KLHL36: variants seen among roughly 807,000 people sequenced by gnomAD.
KLHL36 encodes kelch-like protein 36.
KLHL36 carries 35 observed loss-of-function variants against 53.3 expected under a neutral mutation model. The ratio of observed to expected loss-of-function variants is 0.66; its 90% CI spans 0.50 to 0.87. The LOEUF (loss-of-function observed/expected upper bound fraction) is 0.87, where lower values mean the gene tolerates loss of function less well. Among genes scored for constraint, KLHL36 ranks in the 40% least tolerant of loss-of-function variants. The pLI, the probability that KLHL36 is intolerant of heterozygous loss-of-function variation, is 0.00. For missense variants in KLHL36, 864 were observed against 897.6 expected (o/e 0.96, Z 0.48); for synonymous variants, 472 against 398.9 (o/e 1.18, Z -2.18).
intron 3 of KLHL36, chr16:84,658,577 C>T (rs1401940329): frequency 6.6e-6 from 1 of 152,128 alleles, no homozygotes; most frequent in Non-Finnish European, 1.5e-5. Context: ...TAAGTCATAG[C>T]TAGGAAATTT....
rs1313167386 is a variant in KLHL36, at chr16:84,662,688, T to C, written c.*555T>C. 2 of 152,926 alleles carry C rather than the reference T, an allele frequency of 1.3e-5. No individual in the cohort carries two copies. Among genetic ancestry groups the C allele is most frequent in the Non-Finnish European group, 2.9e-5 (2 of 68,562 alleles). The allele number at this position is 152,926 out of a possible 1,614,324, so 9.5% of individuals were successfully genotyped here. ...AATCACTGGCAAGGTCCAGTGTGTT[T>C]GTTTTATAAATGAGTGCACAGAGAC... On this transcript the variant is annotated 3_prime_UTR_variant, in exon 5 of 5. Coordinates refer to ENST00000564996, the MANE Select transcript of KLHL36 (RefSeq NM_024731.4).
At chr16:84,658,730 G>T (rs1405036442) in intron 3 of KLHL36, 1 of 152,276 alleles carries the variant, frequency 6.6e-6, no homozygotes. Context: ...CAGCCACTCG[G>T]TCCCCGGGAC....
At position 84,648,820 on chromosome 16, in the gene KLHL36, G is replaced by A. The variant is rs1242040580; in HGVS notation, c.-17+171G>A. The stretch of plus-strand genomic sequence containing the variant: ...GTGGGCGAGTGGGGGCGCCGCGGCC[G>A]GGGGAGGGGCCGCCGCCCCCGCAGG... On this transcript the variant is annotated intron_variant, in intron 1 of 4. Coordinates refer to ENST00000564996, the MANE Select transcript of KLHL36 (RefSeq NM_024731.4). This position sits in a 1 kb window ranked among gnomAD's most constrained non-coding sequence, Gnocchi z 4.9. 1 of 149,974 alleles carries A rather than the reference G, an allele frequency of 6.7e-6. No homozygotes were observed. Among genetic ancestry groups the A allele is most frequent in the Non-Finnish European group, 1.5e-5 (1 of 67,282 alleles). The allele number at this position is 149,974 out of a possible 1,614,324, so 9.3% of individuals were successfully genotyped here. A position where few individuals can be genotyped will look rare whatever the true frequency, so the allele number is the denominator to read the frequency against.
chr16:84,659,561 G>A lies in KLHL36; in HGVS notation c.1138-199G>A, dbSNP rs562114275. On this transcript the variant is annotated intron_variant, in intron 3 of 4. Transcript: ENST00000564996. ...TCAGAGCGTCTCCATCCCACTTTTG[G>A]GGATTCAGAGCATCTTGGTGAAACC... The A allele has an allele frequency of 4.6e-5, 26 of 562,524 alleles. No individual in the cohort carries two copies. In the South Asian group the frequency reaches 6.1e-4, roughly 13 times the overall value. 34.8% of individuals were successfully genotyped at this position (562,524 alleles called of 1,614,324 possible).
chr16:84,660,045 G>T, intron 4 of KLHL36, 128 bp downstream of exon 4: 1 of 960,906 alleles, frequency 1.0e-6, no homozygotes, highest in Non-Finnish European at 1.6e-6. Flanking sequence ...GGCTTGTCAG[G>T]AAGAGTGGGT....
chr16:84,653,931 G>A (rs1382982510), intron 2 of KLHL36, among the ~76,000 whole-genome samples: 1 of 151,650 alleles, frequency 6.6e-6, no homozygotes, highest in East Asian at 1.9e-4. Context: ...GCAGATTGCA[G>A]CTGATTGTAC....
At chr16:84,660,045 G>A in intron 4 of KLHL36, 128 bp downstream of exon 4, 3 of 960,906 alleles carry the variant, frequency 3.1e-6, no homozygotes, top group Admixed American at 2.1e-5. Flanking sequence ...GGCTTGTCAG[G>A]AAGAGTGGGT....
chr16:84,652,428 G>A (rs1479872431), intron 2 of KLHL36, among the ~76,000 whole-genome samples: 1 of 152,056 alleles, frequency 6.6e-6, no homozygotes, highest in Non-Finnish European at 1.5e-5. Flanking sequence ...ATGCCACCAT[G>A]CCCAGCTAAT....
chr16:84,653,150 G>A (rs1409947764), intron 2 of KLHL36, among the ~76,000 whole-genome samples: 2 of 152,156 alleles, frequency 1.3e-5, no homozygotes, highest in East Asian at 3.9e-4. Context: ...CCAGGAGGTA[G>A]AGGTTGCAGT....
In KLHL36 at chr16:84,663,622, G is replaced by A. The variant is rs979273557; in HGVS notation, c.*1489G>A. On this transcript the variant is annotated 3_prime_UTR_variant, in exon 5 of 5. Transcript: ENST00000564996. ...CACCAGTCTTCCTGCAGACAGTTCC[G>A]AGAGCAGGTCTCGATGTCACTTGCC... is the stretch of plus-strand genomic sequence containing the variant. 3.3e-5 allele frequency: 5 copies of A among 151,436 alleles called. No homozygotes were observed. The highest frequency in any genetic ancestry group is 1.9e-4 in the East Asian group (1 of 5,152). The allele number at this position is 151,436 out of a possible 1,614,324, so 9.4% of individuals were successfully genotyped here.
Position 84,661,900 on chromosome 16 carries a change from G to C in KLHL36, c.1618G>C (p.Gly540Arg). The C allele has an allele frequency of 6.2e-7, 1 of 1,600,310 alleles. No individual in the cohort carries two copies. Among genetic ancestry groups the C allele is most frequent in the South Asian group, 1.1e-5 (1 of 90,392 alleles). Residue 540 changes from glycine (G) to arginine (R), a missense_variant, in exon 5 of 5, where the codon GGC becomes CGC. Coordinates refer to ENST00000564996, the MANE Select transcript of KLHL36 (RefSeq NM_024731.4). This position sits in a 1 kb window ranked among gnomAD's most constrained non-coding sequence, Gnocchi z 7.9. ...APLLHANSESGVAVWEGRIYI... is the reference protein window; with the variant it reads ...APLLHANSESRVAVWEGRIYI... The stretch of plus-strand genomic sequence containing the variant: ...GCTGCTGCACGCCAACAGCGAGTCG[G>C]GCGTGGCAGTGTGGGAGGGCCGCAT...
At position 84,662,309 on chromosome 16, in the gene KLHL36, T is replaced by G. The variant is rs1907607604; in HGVS notation, c.*176T>G. On this transcript the variant is annotated 3_prime_UTR_variant, in exon 5 of 5. Coordinates refer to ENST00000564996, the MANE Select transcript of KLHL36 (RefSeq NM_024731.4). ...ACCAATTAAATACTATCTGTAACTT[T>G]ACATATCTTGCTTGAATAACTAACC... 1.6e-6 allele frequency: 1 copy of G among 617,766 alleles called. No individual in the cohort carries two copies. Among genetic ancestry groups the G allele is most frequent in the African/African-American group, 1.8e-5 (1 of 54,550 alleles). 38.3% of individuals were successfully genotyped at this position (617,766 alleles called of 1,614,324 possible).
At position 84,665,333 on chromosome 16, in the gene KLHL36, G is replaced by T. The variant is rs971762813; in HGVS notation, c.*3200G>T. On this transcript the variant is annotated 3_prime_UTR_variant, in exon 5 of 5. Coordinates refer to ENST00000564996, the MANE Select transcript of KLHL36 (RefSeq NM_024731.4). ...CTCTCATTTCTAAAGAATTAGAGTTGTAACTTCATATTAGTTGTAAGTTTG... is the reference window on the plus strand; with the variant it reads ...CTCTCATTTCTAAAGAATTAGAGTTTTAACTTCATATTAGTTGTAAGTTTG... 10 of 151,614 alleles carry T rather than the reference G, an allele frequency of 6.6e-5. No individual in the cohort carries two copies. The allele number at this position is 151,614 out of a possible 1,614,324, so 9.4% of individuals were successfully genotyped here. A position where few individuals can be genotyped will look rare whatever the true frequency, so the allele number is the denominator to read the frequency against.
chr16:84,654,157 C>T (rs968993231), intron 2 of KLHL36, among the ~76,000 whole-genome samples: 2 of 152,220 alleles, frequency 1.3e-5, no homozygotes, highest in Admixed American at 6.5e-5. Context: ...GGCCAGCACC[C>T]TCACCAGCGT....
rs891349471 is a variant in KLHL36 at position 84,648,630 on chromosome 16, T to G, written c.-36T>G. ...CGCCGCCGGGGCTGTCCCCGCCGCG[T>G]CCGTAGCGCGTCCTGCCAGGTGGGC... On this transcript the variant is annotated 5_prime_UTR_variant, in exon 1 of 5. Transcript: ENST00000564996. This position sits in a 1 kb window ranked among gnomAD's most constrained non-coding sequence, Gnocchi z 4.9. 3 of 146,574 alleles carry G rather than the reference T, an allele frequency of 2.0e-5. No homozygotes were observed. Among genetic ancestry groups the G allele is most frequent in the African/African-American group, 7.4e-5 (3 of 40,334 alleles). The allele number at this position is 146,574 out of a possible 1,614,324, so 9.1% of individuals were successfully genotyped here.
chr16:84,661,581 C>T lies in KLHL36; in HGVS notation c.1299C>T (p.Phe433=), dbSNP rs749168059. ...SWSYVAGLPR[F]TYGHAGTIYK... Reference sequence around the variant, plus strand: ...TCTCTGCCCGTCGACCCTGCAGGTTCACGTACGGCCACGCGGGCACCATCT... The same window carrying T: ...TCTCTGCCCGTCGACCCTGCAGGTTTACGTACGGCCACGCGGGCACCATCT... Residue 433 remains phenylalanine (F), a synonymous_variant, in exon 5 of 5, where the codon TTC becomes TTT. Transcript: ENST00000564996. The surrounding 1 kb of genome is among the most constrained non-coding windows in gnomAD (Gnocchi z 7.9). The T allele has an allele frequency of 6.3e-7, 1 of 1,579,710 alleles. No individual in the cohort carries two copies. The highest frequency in any genetic ancestry group is 2.3e-5 in the East Asian group (1 of 44,420).
Position 84,653,813 on chromosome 16 carries a change from C to G in KLHL36, c.63+2883C>G, listed in dbSNP as rs1481843565. Among the ~76,000 whole-genome samples the G allele has an allele frequency of 2.9e-5, 4 of 139,832 alleles. No individual in the cohort carries two copies. The East Asian group carries it at 6.2e-4, about 22-fold the overall frequency. The allele number at this position is 139,832 out of a possible 152,430, so 91.7% of individuals were successfully genotyped here. Reference sequence around the variant, plus strand: ...CGAGATCGAGCCACTGCACTCCAGCCTGGGCAACAGAGGGAGGCTCTGTAT... The same window carrying G: ...CGAGATCGAGCCACTGCACTCCAGCGTGGGCAACAGAGGGAGGCTCTGTAT... On this transcript the variant is annotated intron_variant, in intron 2 of 4. Transcript: ENST00000564996.
intron 1 of KLHL36, among the ~76,000 whole-genome samples, chr16:84,650,150 C>T (rs1477137522): frequency 2.0e-5 from 3 of 152,200 alleles, no homozygotes; most frequent in Non-Finnish European, 4.4e-5. Context: ...TCAGCATCCT[C>T]CAGTCACAGT....
Position 84,657,103 on chromosome 16 carries a change from C to T in KLHL36, c.296C>T (p.Ala99Val). 1 of 1,614,196 alleles carries T rather than the reference C, an allele frequency of 6.2e-7. No individual in the cohort carries two copies. The highest frequency in any genetic ancestry group is 8.5e-7 in the Non-Finnish European group (1 of 1,180,036). Reference protein sequence around the residue: ...LIGASYIGLKAVVDFLYGGEL... With the variant: ...LIGASYIGLKVVVDFLYGGEL... ...GGCGCCTCCTACATTGGGCTCAAGG[C>T]CGTGGTGGACTTCCTGTACGGCGGG... Residue 99 changes from alanine to valine, a missense_variant, in exon 3 of 5, where the codon GCC (alanine) becomes GTC (valine). Physicochemically the swap from Ala to Val is moderately conservative, Grantham distance 64. Transcript: ENST00000564996.
Sources: gnomAD v4.1 joint callset for allele counts (sites outside exome capture counted in the v4.1 genomes callset) on GRCh38, gnomAD v4.1.1 for gene constraint, Gnocchi (gnomAD v3.1) non-coding constraint, MANE v1.5 for transcripts, NCBI Gene and HGNC (gene_info 2026-07-23, HGNC 2026-07-21) for gene names.